The following ZDHHC18 variants were observed in gnomAD, a reference collection of about 807,000 sequenced individuals.
ZDHHC18 encodes the protein zDHHC palmitoyltransferase 18.
ZDHHC18 carries 23 observed loss-of-function variants against 37.5 expected under a neutral mutation model. The observed-to-expected ratio is 0.61, with a 90% CI of 0.44 to 0.87. The LOEUF (loss-of-function observed/expected upper bound fraction) is 0.87, where lower values mean the gene tolerates loss of function less well. Ranked by LOEUF, ZDHHC18 falls within the 40% of genes least tolerant of loss-of-function variation. ZDHHC18 has a pLI of 0.00. For synonymous variants in ZDHHC18, 185 were observed against 218.7 expected (o/e 0.85, Z 1.36); for missense variants, 406 against 525.6 (o/e 0.77, Z 2.22).
At chr1:26,830,972 G>C (rs574377099) in intron 1 of ZDHHC18, among the ~76,000 whole-genome samples, 1 of 152,094 alleles carries the variant, frequency 6.6e-6, no homozygotes, top group Non-Finnish European at 1.5e-5. Context: ...TATTAGAGAT[G>C]GGGTTTCATC....
intron 1 of ZDHHC18, 72 bp from the exon 2 acceptor site, chr1:26,832,375 C>G: frequency 6.4e-7 from 1 of 1,567,554 alleles, no homozygotes; most frequent in Non-Finnish European, 8.7e-7. Context: ...ACAGCGCCTG[C>G]CACGTGCTGT....
chr1:26,836,620 G>A (rs2081613133), intron 2 of ZDHHC18, among the ~76,000 whole-genome samples: 1 of 147,220 alleles, frequency 6.8e-6, no homozygotes. Context: ...CCAGGCTGGA[G>A]TGCAGTGGCA....
rs541777748 is a variant in ZDHHC18 at position 26,857,134 on chromosome 1, T to A, written c.*3291T>A. On this transcript the variant is annotated 3_prime_UTR_variant, in exon 8 of 8. Transcript: ENST00000374142. Reference sequence around the variant, plus strand: ...ACAATAATGTGACTCTACGCTGATATGCTCCCTCTCTCCTCCACTGACTTC... The same window carrying A: ...ACAATAATGTGACTCTACGCTGATAAGCTCCCTCTCTCCTCCACTGACTTC... 6.6e-6 allele frequency: 1 copy of A among 152,368 alleles called. No homozygotes were observed. 9.4% of individuals were successfully genotyped at this position (152,368 alleles called of 1,614,324 possible). A position where few individuals can be genotyped will look rare whatever the true frequency, so the allele number is the denominator to read the frequency against.
intron 2 of ZDHHC18, among the ~76,000 whole-genome samples, chr1:26,833,345 G>A (rs908902947): frequency 2.0e-5 from 3 of 152,134 alleles, no homozygotes; most frequent in Non-Finnish European, 2.9e-5. Context: ...AAGAAGCACC[G>A]GCCTGAACAG....
At chr1:26,841,782 T>G (rs1468862712) in intron 2 of ZDHHC18, among the ~76,000 whole-genome samples, 1 of 152,118 alleles carries the variant, frequency 6.6e-6, no homozygotes, top group East Asian at 1.9e-4. Flanking sequence ...AAGCATCTCA[T>G]TCAGCCCTCA....
chr1:26,852,702 A>G lies in ZDHHC18; in HGVS notation c.937-51A>G, dbSNP rs534564003. The G allele has an allele frequency of 1.7e-5, 26 of 1,547,630 alleles. No individual in the cohort carries two copies. The East Asian group carries it at 4.5e-4, about 27-fold the overall frequency. ...CCCAGCCTCTAGACCTGCCTCCTAG[A>G]AAAGTGAAGCAAAAGGAGGTACTTG... is the stretch of plus-strand genomic sequence containing the variant. On this transcript the variant is annotated intron_variant, in intron 6 of 7. Coordinates refer to ENST00000374142, the MANE Select transcript of ZDHHC18 (RefSeq NM_032283.3).
At chr1:26,837,769 C>T (rs1255287014) in intron 2 of ZDHHC18, among the ~76,000 whole-genome samples, 1 of 151,556 alleles carries the variant, frequency 6.6e-6, no homozygotes, top group East Asian at 2.0e-4. Context: ...CATGATCCAC[C>T]GTGCCCAGCC....
chr1:26,846,179 CAT>C (rs1338236311), intron 2 of ZDHHC18, among the ~76,000 whole-genome samples: 2 of 135,730 alleles, frequency 1.5e-5, no homozygotes, highest in African/African-American at 5.6e-5. Flanking sequence ...TATATATACA[CAT>C]ATATCTATAT....
chr1:26,832,304 AGCTGTGCCTCTGC>A, intron 1 of ZDHHC18, 130 bp from the exon 2 acceptor site: 1 of 965,108 alleles, frequency 1.0e-6, no homozygotes, highest in Non-Finnish European at 1.6e-6. Context: ...CTCATCAAGG[AGCTGTGCCTCTGC>A]CTCAGAGCGA....
chr1:26,835,934 A>C (rs1193228823), intron 2 of ZDHHC18, among the ~76,000 whole-genome samples: 1 of 152,128 alleles, frequency 6.6e-6, no homozygotes, highest in Admixed American at 6.5e-5. Context: ...CTGTGGGGAC[A>C]GTCTGAGGTA....
chr1:26,838,272 G>A (rs928239213), intron 2 of ZDHHC18, among the ~76,000 whole-genome samples: 1 of 152,050 alleles, frequency 6.6e-6, no homozygotes, highest in African/African-American at 2.4e-5. Flanking sequence ...TGGAATTACA[G>A]GTGTGAGCCA....
Position 26,854,002 on chromosome 1 carries a change from G to A in ZDHHC18, c.*159G>A. ...GTGGCTTTCCCTGAACTGTTCCGTG[G>A]CTGTGCCCTCTGCTCCCCAAACCCA... is the stretch of plus-strand genomic sequence containing the variant. On this transcript the variant is annotated 3_prime_UTR_variant, in exon 8 of 8. Transcript: ENST00000374142. The surrounding 1 kb of genome is among the most constrained non-coding windows in gnomAD (Gnocchi z 4.6). 1.4e-6 allele frequency: 1 copy of A among 697,000 alleles called. No individual in the cohort carries two copies. The highest frequency in any genetic ancestry group is 2.7e-5 in the East Asian group (1 of 36,892). The allele number at this position is 697,000 out of a possible 1,614,324, so 43.2% of individuals were successfully genotyped here.
chr1:26,830,287 G>T (rs919699818), intron 1 of ZDHHC18, among the ~76,000 whole-genome samples: 1 of 152,228 alleles, frequency 6.6e-6, no homozygotes, highest in Non-Finnish European at 1.5e-5. Flanking sequence ...CTCAAAGTCA[G>T]ACCTGGCTTG....
At chr1:26,830,395 T>G (rs555898951) in intron 1 of ZDHHC18, among the ~76,000 whole-genome samples, 6 of 152,288 alleles carry the variant, frequency 3.9e-5, no homozygotes, top group African/African-American at 1.2e-4. Flanking sequence ...GAGCATAACT[T>G]CACAGGGTCC....
intron 2 of ZDHHC18, among the ~76,000 whole-genome samples, chr1:26,838,060 G>T (rs1422832375): frequency 1.4e-4 from 21 of 146,284 alleles, no homozygotes; most frequent in Non-Finnish European, 1.5e-5. Flanking sequence ...GCAGTGGTGA[G>T]ATCTCGGCTC....
chr1:26,837,296 T>G (rs915282363), intron 2 of ZDHHC18, among the ~76,000 whole-genome samples: 8 of 147,116 alleles, frequency 5.4e-5, no homozygotes, highest in African/African-American at 2.0e-4. Context: ...CATTTATATA[T>G]TTACTACATA....
chr1:26,847,361 G>A (rs1324457463), intron 2 of ZDHHC18, among the ~76,000 whole-genome samples: 2 of 152,102 alleles, frequency 1.3e-5, no homozygotes, highest in African/African-American at 2.4e-5. Flanking sequence ...ATAGTCACAC[G>A]CCGTCATACC....
rs112227379 is a variant in ZDHHC18, at chr1:26,856,365, T to C, written c.*2522T>C. The C allele has an allele frequency of 2.4e-5, 9 of 372,880 alleles. No individual in the cohort carries two copies. Among genetic ancestry groups the C allele is most frequent in the African/African-American group, 1.4e-4 (7 of 48,884 alleles). 23.1% of individuals were successfully genotyped at this position (372,880 alleles called of 1,614,324 possible). On this transcript the variant is annotated 3_prime_UTR_variant, in exon 8 of 8. Transcript: ENST00000374142. This position sits in a 1 kb window ranked among gnomAD's most constrained non-coding sequence, Gnocchi z 5.2. ...CAACCCCATGGAGCCCGTCCATCTG[T>C]CTGGTGTGTGGTGCGGTGTGTGTGC...
Position 26,850,657 on chromosome 1 carries a change from C to A in ZDHHC18, c.833+51C>A. On this transcript the variant is annotated intron_variant, in intron 5 of 7. Transcript: ENST00000374142. This position sits in a 1 kb window ranked among gnomAD's most constrained non-coding sequence, Gnocchi z 6.1. ...TCCAGTGGGAACTGAGGTCCCTTCA[C>A]TGGGTGGGTGCCCTGCCTCATCCTC... 1 of 1,605,120 alleles carries A rather than the reference C, an allele frequency of 6.2e-7. No individual in the cohort carries two copies. The highest frequency in any genetic ancestry group is 8.5e-7 in the Non-Finnish European group (1 of 1,173,394).
Sources: gnomAD v4.1 joint callset for allele counts (sites outside exome capture counted in the v4.1 genomes callset) on GRCh38, gnomAD v4.1.1 for gene constraint, Gnocchi (gnomAD v3.1) non-coding constraint, MANE v1.5 for transcripts, NCBI Gene and HGNC (gene_info 2026-07-23, HGNC 2026-07-21) for gene names.